Variants in AMBRA1 observed in about 807,000 individuals in gnomAD.
AMBRA1 encodes the protein autophagy and beclin 1 regulator 1, also known as activating molecule in BECN1-regulated autophagy protein 1.
A neutral mutation model predicts 125.4 loss-of-function variants in AMBRA1; 47 were observed. The ratio of observed to expected loss-of-function variants is 0.37; its 90% CI spans 0.30 to 0.48. AMBRA1 has a LOEUF of 0.48. AMBRA1 is among the 20% of genes least tolerant of loss of function. AMBRA1 has a pLI of 0.99. For synonymous variants in AMBRA1, 626 were observed against 655.5 expected (o/e 0.95, Z 0.69); for missense variants, 1,331 against 1,693.4 (o/e 0.79, Z 3.76).
intron 7 of AMBRA1, among the ~76,000 whole-genome samples, chr11:46,536,734 C>T (rs1423940260): frequency 2.0e-5 from 3 of 152,146 alleles, no homozygotes; most frequent in Admixed American, 1.3e-4. Flanking sequence ...TGGTGGCCCA[C>T]GAAGCCTCAA....
chr11:46,425,931 G>A (rs1947108834), intron 14 of AMBRA1, among the ~76,000 whole-genome samples: 1 of 151,758 alleles, frequency 6.6e-6, no homozygotes, highest in African/African-American at 2.4e-5. Flanking sequence ...CAGATCACAA[G>A]GCCAGGAGAT....
chr11:46,574,934 C>G lies in AMBRA1; in HGVS notation c.-121+18894G>C, dbSNP rs144193451. Among the ~76,000 whole-genome samples the G allele has an allele frequency of 3.4e-3, 523 of 152,302 alleles. 2 individuals are homozygous for G. Among genetic ancestry groups the G allele is most frequent in the African/African-American group, 0.012 (504 of 41,570 alleles). On this transcript the variant is annotated intron_variant, in intron 1 of 17. Transcript: ENST00000683756. Reference sequence around the variant, plus strand: ...GAATAAATGTAAAACTCCCTATACACGGTTCACATTCAAAAGTTAGTTTCC... The same window carrying G: ...GAATAAATGTAAAACTCCCTATACAGGGTTCACATTCAAAAGTTAGTTTCC...
intron 7 of AMBRA1, among the ~76,000 whole-genome samples, chr11:46,534,978 G>A (rs1952398892): frequency 6.6e-6 from 1 of 152,202 alleles, no homozygotes. Context: ...CCAGCCCTCA[G>A]TACCCTATTC....
intron 1 of AMBRA1, among the ~76,000 whole-genome samples, chr11:46,586,331 C>T (rs754578069): frequency 3.5e-4 from 54 of 152,270 alleles, no homozygotes; most frequent in Non-Finnish European, 6.5e-4. Flanking sequence ...ATCGCTTGAA[C>T]CCAGGAGGCA....
chr11:46,460,120 G>A (rs1949034654), intron 11 of AMBRA1, among the ~76,000 whole-genome samples: 1 of 152,128 alleles, frequency 6.6e-6, no homozygotes, highest in African/African-American at 2.4e-5. Context: ...CAGAATTTCA[G>A]GGCACATTAT....
chr11:46,585,660 C>T (rs1346013850), intron 1 of AMBRA1, among the ~76,000 whole-genome samples: 1 of 18,812 alleles, frequency 5.3e-5, no homozygotes, highest in African/African-American at 2.2e-4. Flanking sequence ...AGCAAGACTC[C>T]ATCTCAAAAA....
At chr11:46,555,168 T>C (rs1367405716) in intron 1 of AMBRA1, among the ~76,000 whole-genome samples, 6 of 152,184 alleles carry the variant, frequency 3.9e-5, no homozygotes, top group African/African-American at 1.4e-4. Context: ...GACTGAGTAC[T>C]CTCCAAAGGT....
At chr11:46,423,179 G>A (rs190001242) in intron 14 of AMBRA1, among the ~76,000 whole-genome samples, 1 of 152,168 alleles carries the variant, frequency 6.6e-6, no homozygotes, top group African/African-American at 2.4e-5. Context: ...ACATATCCTA[G>A]AGTGGCAGTG....
chr11:46,518,459 T>C (rs1341841467), intron 7 of AMBRA1: 2 of 152,534 alleles, frequency 1.3e-5, no homozygotes, highest in African/African-American at 4.9e-5. Flanking sequence ...AAAAAAGAAT[T>C]ACTCACTTTG....
intron 17 of AMBRA1, among the ~76,000 whole-genome samples, chr11:46,405,430 G>A (rs1945960645): frequency 6.6e-6 from 1 of 152,154 alleles, no homozygotes; most frequent in Non-Finnish European, 1.5e-5. Context: ...ATCAGAAAGG[G>A]CTGCCCAGCC....
Position 46,443,638 on chromosome 11 carries a change from T to G in AMBRA1, c.2522-40A>C, listed in dbSNP as rs779595873. 3.3e-6 allele frequency: 5 copies of G among 1,530,918 alleles called. No individual in the cohort carries two copies. In the Admixed American group the frequency reaches 8.8e-5, roughly 27 times the overall value. 94.8% of individuals were successfully genotyped at this position (1,530,918 alleles called of 1,614,324 possible). ...GTCAAAGACAGCACATTATATTATTTATCCACGTTTCCACTGCAAAACATA... is the reference window on the plus strand; with the variant it reads ...GTCAAAGACAGCACATTATATTATTGATCCACGTTTCCACTGCAAAACATA... On this transcript the variant is annotated intron_variant, in intron 11 of 17. Transcript: ENST00000683756.
At chr11:46,469,948 C>T (rs1376536007) in intron 11 of AMBRA1, among the ~76,000 whole-genome samples, 1 of 151,414 alleles carries the variant, frequency 6.6e-6, no homozygotes. Context: ...CAAGTGCTGG[C>T]ATTACAGGAA....
chr11:46,417,467 AGTGGC>A (rs1946596710), intron 15 of AMBRA1, among the ~76,000 whole-genome samples: 1 of 152,250 alleles, frequency 6.6e-6, no homozygotes, highest in Non-Finnish European at 1.5e-5. Flanking sequence ...ATTAGAGATC[AGTGGC>A]TTAACAAATT....
intron 11 of AMBRA1, among the ~76,000 whole-genome samples, chr11:46,460,844 T>C (rs541662227): frequency 3.7e-4 from 57 of 152,226 alleles, no homozygotes; most frequent in South Asian, 2.1e-3. Context: ...CCCAACACTT[T>C]GAGAGGCCAG....
chr11:46,415,377 G>A (rs570428863), intron 15 of AMBRA1, among the ~76,000 whole-genome samples: 14 of 152,312 alleles, frequency 9.2e-5, no homozygotes, highest in Admixed American at 2.0e-4. Context: ...GTATGTGTGT[G>A]TTATTGTGGC....
At chr11:46,528,564 A>G (rs1952079330) in intron 7 of AMBRA1, among the ~76,000 whole-genome samples, 1 of 152,212 alleles carries the variant, frequency 6.6e-6, no homozygotes, top group Admixed American at 6.5e-5. Flanking sequence ...TCCATTAATA[A>G]GAGGTACCTA....
At chr11:46,544,856 C>T (rs1307209572) in intron 5 of AMBRA1, among the ~76,000 whole-genome samples, 2 of 152,082 alleles carry the variant, frequency 1.3e-5, no homozygotes, top group African/African-American at 2.4e-5. Flanking sequence ...GTGGCTCATA[C>T]CTATAATCCC....
At chr11:46,419,915 C>T (rs1397360539) in intron 14 of AMBRA1, among the ~76,000 whole-genome samples, 1 of 151,366 alleles carries the variant, frequency 6.6e-6, no homozygotes, top group Non-Finnish European at 1.5e-5. Flanking sequence ...AACACATGTT[C>T]ATGTGCCTTG....
intron 12 of AMBRA1, among the ~76,000 whole-genome samples, chr11:46,442,037 C>G (rs1034531121): frequency 3.6e-5 from 5 of 139,172 alleles, no homozygotes; most frequent in African/African-American, 1.4e-4. Context: ...GTGGTGTGAT[C>G]TTGGCTCACA....
Sources: allele counts gnomAD v4.1 joint callset (sites outside exome capture counted in the v4.1 genomes callset), GRCh38; gene constraint gnomAD v4.1.1; transcripts MANE v1.5; gene names NCBI Gene and HGNC (gene_info 2026-07-23, HGNC 2026-07-21).